Variants in LRFN5 observed in about 807,000 individuals in gnomAD.
LRFN5 encodes leucine rich repeat and fibronectin type III domain containing 5.
A neutral mutation model predicts 45.6 loss-of-function variants in LRFN5; 24 were observed. That is an observed-to-expected ratio of 0.53 (90% CI 0.38 to 0.74). The LOEUF (loss-of-function observed/expected upper bound fraction) is 0.74, where lower values mean the gene tolerates loss of function less well. Ranked by LOEUF, LRFN5 falls within the 30% of genes least tolerant of loss-of-function variation. The pLI is 0.00. For missense variants in LRFN5, 776 were observed against 861.5 expected, an observed-to-expected ratio of 0.90 and a Z score of 1.24; for synonymous variants, 340 against 313.8, an observed-to-expected ratio of 1.08 and a Z score of -0.88.
At chr14:41,712,597 A>T (rs1883331571) in intron 1 of LRFN5, among the ~76,000 whole-genome samples, 1 of 152,184 alleles carries the variant, frequency 6.6e-6, no homozygotes, top group Non-Finnish European at 1.5e-5. Flanking sequence ...GCCAAGACAT[A>T]TTTCTTTTTA....
Position 41,843,694 on chromosome 14 carries a change from A to G in LRFN5, c.-20-42912A>G, listed in dbSNP as rs138899607. On this transcript the variant is annotated intron_variant, in intron 2 of 5. Transcript: ENST00000298119. Reference sequence around the variant, plus strand: ...GGCCTTCTTTTTACTAATAAATTGTACTAATACTTTCTTGCCTACGTATAC... The same window carrying G: ...GGCCTTCTTTTTACTAATAAATTGTGCTAATACTTTCTTGCCTACGTATAC... 8.0e-4 allele frequency among the ~76,000 whole-genome samples: 122 copies of G among 152,216 alleles called. 2 individuals are homozygous for G. The East Asian group carries it at 0.023, about 29-fold the overall frequency.
At chr14:41,792,977 A>G (rs1005864917) in intron 2 of LRFN5, among the ~76,000 whole-genome samples, 5 of 129,434 alleles carry the variant, frequency 3.9e-5, no homozygotes, top group Non-Finnish European at 7.9e-5. Context: ...GAAGGGGAAC[A>G]TCACACTCTG....
At chr14:41,767,634 C>A (rs1189469196) in intron 2 of LRFN5, among the ~76,000 whole-genome samples, 7 of 151,958 alleles carry the variant, frequency 4.6e-5, no homozygotes, top group Non-Finnish European at 8.8e-5. Flanking sequence ...AAATGAAAAT[C>A]ATATATAGGA....
chr14:41,701,706 A>G (rs1301998011), intron 1 of LRFN5, among the ~76,000 whole-genome samples: 1 of 152,164 alleles, frequency 6.6e-6, no homozygotes, highest in East Asian at 1.9e-4. Context: ...AAACTCCACT[A>G]TCTCACTTGA....
rs913386914 is a variant in LRFN5 at position 41,772,224 on chromosome 14, C to G, written c.-21+5195C>G. Among the ~76,000 whole-genome samples the G allele has an allele frequency of 2.0e-5, 3 of 152,264 alleles. No homozygotes were observed. The East Asian group carries it at 5.8e-4, about 29-fold the overall frequency. Reference sequence around the variant, plus strand: ...ACTAAGTCATTCGTGAGAAATCCACCCTCATGATCCAAACACCTCCCACTA... The same window carrying G: ...ACTAAGTCATTCGTGAGAAATCCACGCTCATGATCCAAACACCTCCCACTA... On this transcript the variant is annotated intron_variant, in intron 2 of 5. Transcript: ENST00000298119.
At chr14:41,794,095 A>G (rs565640229) in intron 2 of LRFN5, among the ~76,000 whole-genome samples, 1 of 152,112 alleles carries the variant, frequency 6.6e-6, no homozygotes, top group Non-Finnish European at 1.5e-5. Context: ...ACTCATATTT[A>G]TAAATATGAC....
In LRFN5 at chr14:41,811,994, A is replaced by G. The variant is rs560481599; in HGVS notation, c.-21+44965A>G. Among the ~76,000 whole-genome samples the G allele has an allele frequency of 4.6e-5, 7 of 152,270 alleles. No homozygotes were observed. The South Asian group carries it at 1.0e-3, about 23-fold the overall frequency. ...ATAAATATGGAGTATAAGATAATTC[A>G]AAGTAATTCTTTATAGCATAACATC... On this transcript the variant is annotated intron_variant, in intron 2 of 5. Coordinates refer to ENST00000298119, the MANE Select transcript of LRFN5 (RefSeq NM_152447.5).
intron 2 of LRFN5, among the ~76,000 whole-genome samples, chr14:41,866,663 T>G (rs922633982): frequency 6.6e-6 from 1 of 152,158 alleles, no homozygotes; most frequent in Non-Finnish European, 1.5e-5. Flanking sequence ...AAGCCTTCTA[T>G]GTTTTTGTTT....
At chr14:41,727,326 A>G (rs1883979420) in intron 1 of LRFN5, among the ~76,000 whole-genome samples, 1 of 152,188 alleles carries the variant, frequency 6.6e-6, no homozygotes, top group Non-Finnish European at 1.5e-5. Flanking sequence ...CCAGTCAGCC[A>G]GGCCTCATGG....
rs190491170 is a variant in LRFN5, at chr14:41,854,823, A to C, written c.-20-31783A>C. On this transcript the variant is annotated intron_variant, in intron 2 of 5. Transcript: ENST00000298119. ...AGATTGATTTGTGGAGGAGAGCCTA[A>C]TTATCTTGTAGGTTTTAAACTCAAT... Among the ~76,000 whole-genome samples the C allele has an allele frequency of 2.6e-5, 4 of 152,282 alleles. No individual in the cohort carries two copies. In the East Asian group the frequency reaches 5.8e-4, roughly 22 times the overall value.
intron 1 of LRFN5, among the ~76,000 whole-genome samples, chr14:41,751,707 C>A (rs991327384): frequency 1.3e-5 from 2 of 152,064 alleles, no homozygotes; most frequent in East Asian, 3.9e-4. Context: ...AGGACATTAG[C>A]ATCAGACAGA....
chr14:41,823,079 T>A (rs534369304), intron 2 of LRFN5, among the ~76,000 whole-genome samples: 1,897 of 151,530 alleles, frequency 0.013, 36 homozygotes, highest in African/African-American at 0.042. Context: ...GAATCTTTTT[T>A]AAAAAAAAAT....
intron 2 of LRFN5, among the ~76,000 whole-genome samples, chr14:41,791,410 C>T (rs1886915637): frequency 6.6e-6 from 1 of 151,924 alleles, no homozygotes; most frequent in Non-Finnish European, 1.5e-5. Context: ...AATGTACTTG[C>T]TTCTAAGGAG....
chr14:41,633,073 A>T (rs888062429), intron 1 of LRFN5, among the ~76,000 whole-genome samples: 4 of 152,132 alleles, frequency 2.6e-5, no homozygotes, highest in Admixed American at 2.0e-4. Context: ...CTGTAAACTG[A>T]AATCCCAAGG....
At chr14:41,798,061 A>G (rs962915046) in intron 2 of LRFN5, among the ~76,000 whole-genome samples, 1 of 151,874 alleles carries the variant, frequency 6.6e-6, no homozygotes, top group Non-Finnish European at 1.5e-5. Flanking sequence ...TCCCCGCTTT[A>G]ACTTAGACTT....
At chr14:41,658,954 C>A (rs78626839) in intron 1 of LRFN5, among the ~76,000 whole-genome samples, 2,892 of 151,972 alleles carry the variant, frequency 0.019, 80 homozygotes, top group African/African-American at 0.065. Context: ...TCTTTTCCTG[C>A]CTGCCTCTCT....
intron 2 of LRFN5, among the ~76,000 whole-genome samples, chr14:41,808,885 G>A (rs1165701806): frequency 6.6e-6 from 1 of 151,994 alleles, no homozygotes; most frequent in African/African-American, 2.4e-5. Flanking sequence ...CCTGCATTGT[G>A]CATTTGATTA....
chr14:41,692,348 A>G (rs1594620713), intron 1 of LRFN5, among the ~76,000 whole-genome samples: 1 of 152,010 alleles, frequency 6.6e-6, no homozygotes, highest in Non-Finnish European at 1.5e-5. Flanking sequence ...GATTCTGGAT[A>G]TGTACTCCTC....
intron 2 of LRFN5, among the ~76,000 whole-genome samples, chr14:41,831,235 C>T (rs887131685): frequency 2.0e-5 from 3 of 152,126 alleles, no homozygotes. Context: ...TATTTTTTTA[C>T]TAGCTGAGTC....
Sources: allele counts gnomAD v4.1 joint callset (sites outside exome capture counted in the v4.1 genomes callset), GRCh38; gene constraint gnomAD v4.1.1; transcripts MANE v1.5; gene names NCBI Gene and HGNC (gene_info 2026-07-23, HGNC 2026-07-21).